The following ARMH3 variants were observed in gnomAD, a reference collection of about 807,000 sequenced individuals.
ARMH3 encodes the protein armadillo-like helical domain-containing protein 3.
In ARMH3, 60 loss-of-function variants were observed where a neutral mutation model predicts 99.1. That is an observed-to-expected ratio of 0.61 (90% CI 0.49 to 0.75). The LOEUF is 0.75. Among genes scored for constraint, ARMH3 ranks in the 30% least tolerant of loss-of-function variants. ARMH3 has a pLI of 0.00. For synonymous variants in ARMH3, 285 were observed against 292.8 expected (o/e 0.97, Z 0.27); for missense variants, 679 against 843.1 (o/e 0.81, Z 2.41).
At chr10:101,854,139 G>A (rs2135276563) in intron 24 of ARMH3, among the ~76,000 whole-genome samples, 1 of 152,184 alleles carries the variant, frequency 6.6e-6, no homozygotes, top group Non-Finnish European at 1.5e-5. Flanking sequence ...AATTAACTGA[G>A]CTGGGAGTCC....
intron 1 of ARMH3, among the ~76,000 whole-genome samples, chr10:102,050,035 CG>C (rs2067657424): frequency 6.6e-6 from 1 of 152,052 alleles, no homozygotes; most frequent in East Asian, 1.9e-4. Flanking sequence ...CCCAGCTACT[CG>C]GGAGTCTGAG....
intron 1 of ARMH3, among the ~76,000 whole-genome samples, chr10:102,053,029 T>G (rs552852219): frequency 6.6e-6 from 1 of 152,064 alleles, no homozygotes; most frequent in Non-Finnish European, 1.5e-5. Context: ...ACTCTCTTCC[T>G]AAGAAGTTGA....
intron 22 of ARMH3, among the ~76,000 whole-genome samples, chr10:101,955,879 T>C (rs184701493): frequency 3.9e-5 from 6 of 152,260 alleles, no homozygotes; most frequent in Admixed American, 1.3e-4. Context: ...TTATTAAAAT[T>C]TGTATAATTA....
chr10:101,886,843 C>T (rs182491992), intron 24 of ARMH3, among the ~76,000 whole-genome samples: 62 of 152,304 alleles, frequency 4.1e-4, no homozygotes, highest in African/African-American at 1.5e-3. Context: ...TGCTAACTTA[C>T]TAAATGTAAC....
Position 101,849,898 on chromosome 10 carries a change from G to A in ARMH3, c.1861-6C>T, listed in dbSNP as rs752171795. ...GCTCTCACCACCTCCAGCACCTGGA[G>A]GACATCAAGGGCCAGGCAGGGCTTA... is the stretch of plus-strand genomic sequence containing the variant. On this transcript the variant is annotated splice_region_variant and splice_polypyrimidine_tract_variant and intron_variant, in intron 24 of 25. Coordinates refer to ENST00000370033, the MANE Select transcript of ARMH3 (RefSeq NM_024541.3). 5.0e-6 allele frequency: 8 copies of A among 1,612,480 alleles called. No homozygotes were observed. The highest frequency in any genetic ancestry group is 1.6e-4 in the Middle Eastern group (1 of 6,078).
At chr10:101,864,993 G>C (rs903057284) in intron 24 of ARMH3, among the ~76,000 whole-genome samples, 1 of 151,802 alleles carries the variant, frequency 6.6e-6, no homozygotes, top group African/African-American at 2.4e-5. Flanking sequence ...GAGGCGGGCA[G>C]ATCACAAGGT....
At chr10:101,877,207 G>GC (rs2067290411) in intron 24 of ARMH3, among the ~76,000 whole-genome samples, 1 of 152,174 alleles carries the variant, frequency 6.6e-6, no homozygotes, top group African/African-American at 2.4e-5. Flanking sequence ...AGAGGCTGAG[G>GC]CAGGAGGACT....
Position 101,956,593 on chromosome 10 carries a change from TTACCCA to T in ARMH3, c.1703_1705+3del. The T allele has an allele frequency of 6.2e-7, 1 of 1,611,828 alleles. No homozygotes were observed. The highest frequency in any genetic ancestry group is 8.5e-7 in the Non-Finnish European group (1 of 1,178,392). Reference sequence around the variant, plus strand: ...GAGAGGAGTAAAAAGAAAAGGCAGCTTACCCATGGAGTAGAGGTTGTCAAAGCTCTG... The same window carrying T: ...GAGAGGAGTAAAAAGAAAAGGCAGCTTGGAGTAGAGGTTGTCAAAGCTCTG... On this transcript the variant is annotated splice_donor_variant and splice_donor_region_variant and coding_sequence_variant and intron_variant, in exon 22 of 26. Coordinates refer to ENST00000370033, the MANE Select transcript of ARMH3 (RefSeq NM_024541.3). LOFTEE classifies it high-confidence loss of function.
intron 20 of ARMH3, among the ~76,000 whole-genome samples, chr10:101,962,742 G>C (rs1845351569): frequency 6.6e-6 from 1 of 152,076 alleles, no homozygotes; most frequent in South Asian, 2.1e-4. Context: ...ATCATGCTGG[G>C]GAGAAGAAGG....
At chr10:101,894,684 T>C (rs1331760710) in intron 23 of ARMH3, among the ~76,000 whole-genome samples, 1 of 152,190 alleles carries the variant, frequency 6.6e-6, no homozygotes, top group Non-Finnish European at 1.5e-5. Flanking sequence ...CCATCTTTTC[T>C]GAACCTTTGG....
At chr10:101,982,691 G>T (rs1364484536) in intron 19 of ARMH3, among the ~76,000 whole-genome samples, 2 of 152,180 alleles carry the variant, frequency 1.3e-5, no homozygotes, top group South Asian at 4.2e-4. Context: ...ATTCTCATAG[G>T]AGCACAAACC....
chr10:101,975,936 C>T (rs544115932), intron 19 of ARMH3, among the ~76,000 whole-genome samples: 1 of 151,068 alleles, frequency 6.6e-6, no homozygotes, highest in African/African-American at 2.4e-5. Flanking sequence ...GGGCAGATCA[C>T]GAGGTCAGGA....
intron 1 of ARMH3, among the ~76,000 whole-genome samples, chr10:102,050,359 G>A (rs542241900): frequency 6.6e-6 from 1 of 151,186 alleles, no homozygotes; most frequent in African/African-American, 2.4e-5. Context: ...TGAGGCAAGA[G>A]AATGGCTGAA....
intron 2 of ARMH3, among the ~76,000 whole-genome samples, chr10:102,038,089 CTTTTT>C (rs949920845): frequency 8.8e-6 from 1 of 113,316 alleles, no homozygotes; most frequent in African/African-American, 3.5e-5. Flanking sequence ...AGAAAGAATC[CTTTTT>C]TTTTTTTTTT....
Position 101,861,911 on chromosome 10 carries a change from G to A in ARMH3, c.1861-12019C>T, listed in dbSNP as rs1315849191. On this transcript the variant is annotated intron_variant, in intron 24 of 25. Coordinates refer to ENST00000370033, the MANE Select transcript of ARMH3 (RefSeq NM_024541.3). ...AAAAAAAAAAAAAAATTAGCCAGGC[G>A]TGGTGGTGGGCGCCTGTAGTCCCAG... Among the ~76,000 whole-genome samples the A allele has an allele frequency of 6.1e-5, 9 of 148,436 alleles. No individual in the cohort carries two copies. The East Asian group carries it at 7.9e-4, about 13-fold the overall frequency.
chr10:102,041,901 G>A (rs941120645), intron 1 of ARMH3, among the ~76,000 whole-genome samples: 5 of 152,088 alleles, frequency 3.3e-5, no homozygotes, highest in African/African-American at 9.7e-5. Flanking sequence ...GCCTGCCTCG[G>A]CCTCCCAAAG....
intron 24 of ARMH3, among the ~76,000 whole-genome samples, chr10:101,882,991 A>G (rs183989839): frequency 2.7e-3 from 405 of 152,308 alleles, no homozygotes; most frequent in African/African-American, 9.1e-3. Context: ...TTATTCTTGG[A>G]CCTTAGGTTA....
chr10:101,899,087 TG>T (rs1320893751), intron 23 of ARMH3, among the ~76,000 whole-genome samples: 1 of 152,242 alleles, frequency 6.6e-6, no homozygotes, highest in Non-Finnish European at 1.5e-5. Context: ...ACTTATTAAC[TG>T]TGTGACTTTG....
chr10:101,850,009 T>C, intron 24 of ARMH3, 117 bp from the exon 25 acceptor site: 2 of 787,682 alleles, frequency 2.5e-6, no homozygotes, highest in Non-Finnish European at 2.1e-6. Flanking sequence ...CAAGAAACCT[T>C]GCTTATTACT....
Sources: allele counts gnomAD v4.1 joint callset (sites outside exome capture counted in the v4.1 genomes callset), GRCh38; gene constraint gnomAD v4.1.1; transcripts MANE v1.5; gene names NCBI Gene and HGNC (gene_info 2026-07-23, HGNC 2026-07-21).